VAV2: variants seen among roughly 807,000 people sequenced by gnomAD.
The protein encoded by VAV2 is guanine nucleotide exchange factor VAV2.
In VAV2, 67 loss-of-function variants were observed where a neutral mutation model predicts 132.5. The observed-to-expected ratio is 0.51, with a 90% CI of 0.42 to 0.62. VAV2 has a LOEUF of 0.62. Among genes scored for constraint, VAV2 ranks in the 20% least tolerant of loss-of-function variants. The pLI, the probability that VAV2 is intolerant of heterozygous loss-of-function variation, is 0.00. For synonymous variants in VAV2, 492 were observed against 443.5 expected (o/e 1.11, Z -1.37); for missense variants, 938 against 1,153.6 (o/e 0.81, Z 2.71).
intron 3 of VAV2, among the ~76,000 whole-genome samples, chr9:133,845,821 A>T (rs1564400757): frequency 6.6e-6 from 1 of 152,228 alleles, no homozygotes; most frequent in Non-Finnish European, 1.5e-5. Flanking sequence ...CAGGGATGCC[A>T]GTCCCAGCAG....
Position 133,840,347 on chromosome 9 carries a change from G to A in VAV2, c.381-6007C>T, listed in dbSNP as rs1223913093. 7.2e-5 allele frequency among the ~76,000 whole-genome samples: 11 copies of A among 152,024 alleles called. No individual in the cohort carries two copies. Among genetic ancestry groups the A allele is most frequent in the East Asian group, 1.9e-4 (1 of 5,164 alleles). On this transcript the variant is annotated intron_variant, in intron 3 of 29. Coordinates refer to ENST00000371850, the MANE Select transcript of VAV2 (RefSeq NM_001134398.2). This position sits in a 1 kb window ranked among gnomAD's most constrained non-coding sequence, Gnocchi z 4.5. Reference sequence around the variant, plus strand: ...TGCAGAGAAATCCCCAGCAGAGCCCGCGTTGGGCAGCAGCCCCTCCTCCCA... The same window carrying A: ...TGCAGAGAAATCCCCAGCAGAGCCCACGTTGGGCAGCAGCCCCTCCTCCCA...
intron 2 of VAV2, among the ~76,000 whole-genome samples, chr9:133,880,739 G>C (rs776698771): frequency 6.6e-6 from 1 of 152,206 alleles, no homozygotes; most frequent in African/African-American, 2.4e-5. Context: ...ATGGATGGGG[G>C]ACCCGGGTGT....
At chr9:133,914,719 ATCACGGGAGGGGGAGGAGAGG>A (rs1840001061) in intron 2 of VAV2, among the ~76,000 whole-genome samples, 3 of 8,492 alleles carry the variant, frequency 3.5e-4, no homozygotes, top group South Asian at 8.6e-3. Flanking sequence ...GAGGGGAGGG[ATCACGGGAGGGGGAGGAGAGG>A]GAAGGGGAGG....
intron 1 of VAV2, among the ~76,000 whole-genome samples, chr9:133,978,167 T>A (rs1384793543): frequency 6.6e-6 from 1 of 152,196 alleles, no homozygotes; most frequent in African/African-American, 2.4e-5. Flanking sequence ...CTGGGGAAAC[T>A]GCCCTCCCTG....
intron 2 of VAV2, among the ~76,000 whole-genome samples, chr9:133,923,380 A>C (rs1168075369): frequency 6.6e-6 from 1 of 152,228 alleles, no homozygotes; most frequent in Non-Finnish European, 1.5e-5. Context: ...CAGCCAACAG[A>C]CACATGAGAA....
chr9:133,889,435 T>C (rs1332421152), intron 2 of VAV2, among the ~76,000 whole-genome samples: 1 of 152,062 alleles, frequency 6.6e-6, no homozygotes, highest in Non-Finnish European at 1.5e-5. Context: ...ACTGGCACAG[T>C]GATCTGCGGT....
At chr9:133,822,871 G>T (rs1199350661) in intron 4 of VAV2, among the ~76,000 whole-genome samples, 1 of 152,212 alleles carries the variant, frequency 6.6e-6, no homozygotes, top group African/African-American at 2.4e-5. Flanking sequence ...CACAGCACAG[G>T]GTTTCATTTC....
rs754562539 is a variant in VAV2, at chr9:133,791,862, G to A, written c.1109C>T (p.Ala370Val). ...CCGTTTAACTTCATTGATGTACATCGCCAAGTCCTTGAAAACAAGAGGCAG... is the reference window on the plus strand; with the variant it reads ...CCGTTTAACTTCATTGATGTACATCACCAAGTCCTTGAAAACAAGAGGCAG... The part of the protein sequence containing the change: ...KEALEAMQDL[A>V]MYINEVKRDK... Residue 370 changes from alanine to valine, a missense_variant, in exon 13 of 30, where the codon GCG (alanine) becomes GTG (valine). Ala to Val is a moderately conservative substitution (Grantham distance 64). Coordinates refer to ENST00000371850, the MANE Select transcript of VAV2 (RefSeq NM_001134398.2). 1.1e-5 allele frequency: 18 copies of A among 1,606,426 alleles called. No homozygotes were observed. In the South Asian group the frequency reaches 1.3e-4, roughly 12 times the overall value.
intron 7 of VAV2, among the ~76,000 whole-genome samples, chr9:133,807,784 C>A (rs899737442): frequency 2.4e-4 from 37 of 152,352 alleles, no homozygotes; most frequent in African/African-American, 7.5e-4. Context: ...ATGCTCTCCA[C>A]CCCGAGGAGT....
rs373772938 is a variant in VAV2, at chr9:133,912,407, G to A, written c.321+26696C>T. 3.3e-5 allele frequency among the ~76,000 whole-genome samples: 5 copies of A among 152,276 alleles called. No individual in the cohort carries two copies. In the East Asian group the frequency reaches 9.7e-4, roughly 29 times the overall value. ...CACACAAACGAGCCGGAGGCTTCTG[G>A]AGGACAGTGTGCCTAGATGAAGGAA... On this transcript the variant is annotated intron_variant, in intron 2 of 29. Coordinates refer to ENST00000371850, the MANE Select transcript of VAV2 (RefSeq NM_001134398.2). This position sits in a 1 kb window ranked among gnomAD's most constrained non-coding sequence, Gnocchi z 4.3.
At chr9:133,921,853 G>A (rs529690301) in intron 2 of VAV2, among the ~76,000 whole-genome samples, 5 of 152,354 alleles carry the variant, frequency 3.3e-5, no homozygotes, top group South Asian at 2.1e-4. Flanking sequence ...GAAACGAACC[G>A]TCACAGTGGT....
At chr9:133,931,370 C>T (rs956820212) in intron 2 of VAV2, among the ~76,000 whole-genome samples, 3 of 148,866 alleles carry the variant, frequency 2.0e-5, no homozygotes, top group East Asian at 4.1e-4. Context: ...ACAGAGCTTT[C>T]CCTCTGACAA....
At chr9:133,796,200 A>G (rs1380579156) in intron 11 of VAV2, among the ~76,000 whole-genome samples, 1 of 151,994 alleles carries the variant, frequency 6.6e-6, no homozygotes, top group Non-Finnish European at 1.5e-5. Flanking sequence ...TGTCTCTTTC[A>G]GTTTTCTGAC....
chr9:133,870,278 G>A (rs7026235), intron 2 of VAV2, among the ~76,000 whole-genome samples: 24,677 of 152,106 alleles, frequency 0.16, 2,493 homozygotes, highest in African/African-American at 0.29. Flanking sequence ...GAAGAGAGGT[G>A]GGAGCCGCCC....
chr9:133,772,069 C>A (rs547132645), intron 25 of VAV2, 23 bp from the exon 26 acceptor site: 3 of 1,608,358 alleles, frequency 1.9e-6, no homozygotes, highest in Non-Finnish European at 2.6e-6. Flanking sequence ...ACGGCCCCGG[C>A]GGTCACCGCG....
At chr9:133,785,026 G>A (rs1834162061) in intron 17 of VAV2, among the ~76,000 whole-genome samples, 1 of 152,190 alleles carries the variant, frequency 6.6e-6, no homozygotes, top group South Asian at 2.1e-4. Flanking sequence ...TGGCCGAAGA[G>A]AAGATGCCCC....
In VAV2 at chr9:133,879,548, C is replaced by T. The variant is rs1838403109; in HGVS notation, c.322-18116G>A. On this transcript the variant is annotated intron_variant, in intron 2 of 29. Transcript: ENST00000371850. The surrounding 1 kb of genome is among the most constrained non-coding windows in gnomAD (Gnocchi z 4.4). ...TCGATCAGTAGGTGGCCCCGGGGCA[C>T]TGCCACAGCCTTGAGCACCTGACAT... is the stretch of plus-strand genomic sequence containing the variant. Among the ~76,000 whole-genome samples, 1 of 152,186 alleles carries T rather than the reference C, an allele frequency of 6.6e-6. No individual in the cohort carries two copies. Among genetic ancestry groups the T allele is most frequent in the South Asian group, 2.1e-4 (1 of 4,832 alleles).
intron 10 of VAV2, 64 bp from the exon 11 acceptor site, chr9:133,796,588 AC>A: frequency 6.9e-7 from 1 of 1,441,374 alleles, no homozygotes; most frequent in Non-Finnish European, 9.5e-7. Flanking sequence ...ACCCACCTGT[AC>A]CCCCGCCCAC....
intron 4 of VAV2, among the ~76,000 whole-genome samples, chr9:133,820,020 T>C (rs7038003): frequency 0.23 from 34,316 of 152,224 alleles, 4,961 homozygotes; most frequent in African/African-American, 0.4. Context: ...ATTTCTCCTA[T>C]GACCGATTCT....
Sources: allele counts gnomAD v4.1 joint callset (sites outside exome capture counted in the v4.1 genomes callset), GRCh38; gene constraint gnomAD v4.1.1; non-coding constraint Gnocchi (gnomAD v3.1); transcripts MANE v1.5; gene names NCBI Gene and HGNC (gene_info 2026-07-23, HGNC 2026-07-21).